HRH1: variants seen among roughly 807,000 people sequenced by gnomAD.
HRH1 encodes the protein histamine H1 receptor.
In HRH1, 6 loss-of-function variants were observed where a neutral mutation model predicts 10.3. The ratio of observed to expected loss-of-function variants is 0.58; its 90% confidence interval spans 0.32 to 1.15. The LOEUF (loss-of-function observed/expected upper bound fraction) is 1.15. Ranked by LOEUF, HRH1 falls within the 50% of genes most tolerant of loss-of-function variation. The pLI is 0.05. For missense variants in HRH1, 514 were observed against 615.3 expected (o/e 0.84, Z 1.74); for synonymous variants, 242 against 236.7 (o/e 1.02, Z -0.21).
rs1937475028 is a variant in HRH1 at position 11,187,844 on chromosome 3, G to A, written c.-36+33290G>A. ...TAAGGTGTTTTTCCACGTTGCTGAA[G>A]TCTCTGTAGCCTCCAGTTGTAATGG... On this transcript the variant is annotated intron_variant, in intron 1 of 1. Coordinates refer to ENST00000431010, the MANE Select transcript of HRH1 (RefSeq NM_001098212.2). 2.6e-5 allele frequency among the ~76,000 whole-genome samples: 4 copies of A among 152,174 alleles called. 1 individual carries two copies. The highest frequency in any genetic ancestry group is 2.6e-4 in the Admixed American group (4 of 15,262).
upstream of HRH1, among the ~76,000 whole-genome samples, chr3:11,154,227 G>A (rs974280204): frequency 4.6e-5 from 7 of 152,124 alleles, no homozygotes; most frequent in Admixed American, 6.5e-5. This position sits in a 1 kb window ranked among gnomAD's most constrained non-coding sequence, Gnocchi z 4.4. Flanking sequence ...GCCTCGCAGA[G>A]CCCGAGCCCG....
intron 1 of HRH1, among the ~76,000 whole-genome samples, chr3:11,181,338 A>G (rs1937348126): frequency 1.3e-5 from 2 of 152,192 alleles, no homozygotes; most frequent in Non-Finnish European, 2.9e-5. Context: ...ATTCATGTAT[A>G]TATAATGTAG....
At chr3:11,251,675 G>T (rs1346411158) in intron 1 of HRH1, among the ~76,000 whole-genome samples, 2 of 152,160 alleles carry the variant, frequency 1.3e-5, no homozygotes, top group African/African-American at 2.4e-5. Flanking sequence ...CTGTTAAGAA[G>T]GCAGCAGGGT....
chr3:11,198,371 C>T (rs1937757605), intron 1 of HRH1, among the ~76,000 whole-genome samples: 1 of 152,158 alleles, frequency 6.6e-6, no homozygotes, highest in South Asian at 2.1e-4. Context: ...GTATCATTTC[C>T]ATTTTTCCTG....
chr3:11,260,286 T>C lies in HRH1; in HGVS notation c.1249T>C (p.Leu417=), dbSNP rs761860796. The C allele has an allele frequency of 1.9e-6, 3 of 1,614,044 alleles. No individual in the cohort carries two copies. The highest frequency in any genetic ancestry group is 2.7e-5 in the African/African-American group (2 of 74,916). Residue 417 remains leucine (L), a synonymous_variant, in exon 2 of 2, where the codon TTG becomes CTG. Coordinates refer to ENST00000431010, the MANE Select transcript of HRH1 (RefSeq NM_001098212.2). Reference sequence around the variant, plus strand: ...CCGCGAAAGGAAGGCCGCCAAACAGTTGGGTTTTATCATGGCAGCCTTCAT... The same window carrying C: ...CCGCGAAAGGAAGGCCGCCAAACAGCTGGGTTTTATCATGGCAGCCTTCAT... ...MNRERKAAKQ[L]GFIMAAFILC... is the part of the protein sequence containing the mutation.
intron 1 of HRH1, among the ~76,000 whole-genome samples, chr3:11,161,329 C>T (rs778043719): frequency 6.6e-6 from 1 of 152,216 alleles, no homozygotes; most frequent in African/African-American, 2.4e-5. Context: ...ACTTGGTTTG[C>T]TCTTTCAAGA....
chr3:11,158,394 A>G (rs967693890), intron 1 of HRH1, among the ~76,000 whole-genome samples: 1 of 152,226 alleles, frequency 6.6e-6, no homozygotes, highest in Non-Finnish European at 1.5e-5. Context: ...TTTATAAGAG[A>G]AGAAACAGGT....
upstream of HRH1, among the ~76,000 whole-genome samples, chr3:11,149,771 C>T (rs1290583669): frequency 1.3e-5 from 2 of 152,256 alleles, no homozygotes; most frequent in African/African-American, 2.4e-5. Context: ...TGTTCTCCTA[C>T]AGCGTATATG....
At chr3:11,242,392 G>A (rs1379612125) in intron 1 of HRH1, among the ~76,000 whole-genome samples, 1 of 147,838 alleles carries the variant, frequency 6.8e-6, no homozygotes, top group Non-Finnish European at 1.5e-5. Context: ...TGTGTCAGGA[G>A]AATGGTGTGA....
chr3:11,250,124 G>T (rs1285175281), intron 1 of HRH1, among the ~76,000 whole-genome samples: 2 of 143,574 alleles, frequency 1.4e-5, no homozygotes, highest in Non-Finnish European at 3.0e-5. Context: ...CTCACTGCAG[G>T]CTCCGACTCC....
intron 1 of HRH1, among the ~76,000 whole-genome samples, chr3:11,175,882 G>A (rs1430641496): frequency 6.6e-6 from 1 of 152,148 alleles, no homozygotes; most frequent in Non-Finnish European, 1.5e-5. Context: ...GAATAGGCGG[G>A]GCACATGGGC....
chr3:11,168,791 C>T (rs1428958354), intron 1 of HRH1, among the ~76,000 whole-genome samples: 1 of 152,224 alleles, frequency 6.6e-6, no homozygotes, highest in Non-Finnish European at 1.5e-5. Flanking sequence ...GGGTTTACCC[C>T]ATGGATTTGG....
chr3:11,225,515 C>T (rs1053739376), intron 1 of HRH1, among the ~76,000 whole-genome samples: 1 of 152,174 alleles, frequency 6.6e-6, no homozygotes, highest in Non-Finnish European at 1.5e-5. Context: ...CTTTGGAGCA[C>T]TCAGTGACGG....
chr3:11,234,922 T>C (rs1394413057), intron 1 of HRH1, among the ~76,000 whole-genome samples: 1 of 152,200 alleles, frequency 6.6e-6, no homozygotes, highest in Non-Finnish European at 1.5e-5. Flanking sequence ...TGATGATTAC[T>C]TTAAATGTTT....
At chr3:11,236,922 G>T (rs372066350) in intron 1 of HRH1, among the ~76,000 whole-genome samples, 1 of 152,160 alleles carries the variant, frequency 6.6e-6, no homozygotes, top group Admixed American at 6.5e-5. Flanking sequence ...TATAAATGCC[G>T]CATCTGCCTC....
At chr3:11,198,731 T>C (rs1296472125) in intron 1 of HRH1, among the ~76,000 whole-genome samples, 2 of 131,808 alleles carry the variant, frequency 1.5e-5, no homozygotes, top group African/African-American at 6.1e-5. Flanking sequence ...AGTGAGACCC[T>C]ATCTGAAAAA....
chr3:11,194,536 G>T (rs1174986688), intron 1 of HRH1, among the ~76,000 whole-genome samples: 1 of 152,190 alleles, frequency 6.6e-6, no homozygotes, highest in African/African-American at 2.4e-5. Flanking sequence ...AACTTTTAAA[G>T]TCAGCTCACA....
chr3:11,173,646 TTTACTC>T (rs1240387751), intron 1 of HRH1, among the ~76,000 whole-genome samples: 1 of 152,104 alleles, frequency 6.6e-6, no homozygotes, highest in Non-Finnish European at 1.5e-5. Flanking sequence ...TAGTTTTTGT[TTTACTC>T]TTAAAGGCTC....
At chr3:11,168,896 G>A (rs2125011880) in intron 1 of HRH1, among the ~76,000 whole-genome samples, 1 of 152,328 alleles carries the variant, frequency 6.6e-6, no homozygotes, top group African/African-American at 2.4e-5. Context: ...CTCCAACCAG[G>A]AGCCTGGGGT....
Sources: gnomAD v4.1 joint callset for allele counts (sites outside exome capture counted in the v4.1 genomes callset) on GRCh38, gnomAD v4.1.1 for gene constraint, Gnocchi (gnomAD v3.1) non-coding constraint, MANE v1.5 for transcripts, NCBI Gene and HGNC (gene_info 2026-07-23, HGNC 2026-07-21) for gene names.